Variants in METTL25 observed in about 807,000 individuals in gnomAD.
METTL25 encodes the protein methyltransferase like 25, also known as probable methyltransferase-like protein 25.
Under a neutral mutation model 71.6 loss-of-function variants are expected in METTL25, and 64 were observed. The observed-to-expected ratio is 0.89, with a 90% CI of 0.73 to 1.10. METTL25 has a LOEUF of 1.10. Among genes scored for constraint, METTL25 ranks in the 50% least tolerant of loss-of-function variants. The pLI, the probability that METTL25 is intolerant of heterozygous loss-of-function variation, is 0.00. For missense variants in METTL25, 807 were observed against 707.0 expected (o/e 1.14, Z -1.60); for synonymous variants, 287 against 250.3 (o/e 1.15, Z -1.38).
At position 82,403,112 on chromosome 12, in the gene METTL25, T is replaced by C. The variant is rs1886784251; in HGVS notation, c.1261T>C (p.Phe421Leu). 2 of 1,612,196 alleles carry C rather than the reference T, an allele frequency of 1.2e-6. No homozygotes were observed. The highest frequency in any genetic ancestry group is 2.7e-5 in the African/African-American group (2 of 74,934). The change falls in exon 5 of 12, where the codon TTT (phenylalanine) becomes CTT (leucine). Residue 421 changes from phenylalanine to leucine, a missense_variant. Physicochemically the swap from Phe to Leu is conservative, Grantham distance 22. Coordinates refer to ENST00000248306, the MANE Select transcript of METTL25 (RefSeq NM_032230.3). ...TTGCTACCACCTCTTATCTGAAGAA[T>C]TTGAAAACCAGCATAAAGGTACAAG... ...GCCYHLLSEE[F>L]ENQHKERTQE...
In METTL25 at chr12:82,405,197, C is replaced by G. The variant is rs75142577; in HGVS notation, c.1279+2067C>G. ...CAGTATTTTCCCACCAAAGATGAAC[C>G]CTATCCTTTTTGGCAATGTAGTCTA... On this transcript the variant is annotated intron_variant, in intron 5 of 11. Coordinates refer to ENST00000248306, the MANE Select transcript of METTL25 (RefSeq NM_032230.3). 8.5e-3 allele frequency among the ~76,000 whole-genome samples: 1,286 copies of G among 152,164 alleles called. 48 individuals carry two copies. Among genetic ancestry groups the G allele is most frequent in the Admixed American group, 0.052 (794 of 15,276 alleles).
In METTL25 at chr12:82,437,806, G is replaced by A. The variant is rs750927645; in HGVS notation, c.1405-912G>A. Among the ~76,000 whole-genome samples, 60 of 151,554 alleles carry A rather than the reference G, an allele frequency of 4.0e-4. 1 individual carries two copies. The highest frequency in any genetic ancestry group is 2.2e-3 in the Admixed American group (33 of 15,150). ...TTATTTGACTTCTTAAAAGCATTCC[G>A]TATTGTTGTCCTCCTTCTATTCTTA... On this transcript the variant is annotated intron_variant, in intron 7 of 11. Transcript: ENST00000248306.
At chr12:82,360,083 A>G (rs546514063) in intron 1 of METTL25, among the ~76,000 whole-genome samples, 2 of 152,340 alleles carry the variant, frequency 1.3e-5, no homozygotes, top group African/African-American at 2.4e-5. Flanking sequence ...CTTGGCATAC[A>G]TTAGATACTG....
In METTL25 at chr12:82,443,426, A is replaced by G. The variant is rs146567828; in HGVS notation, c.1478+4635A>G. Among the ~76,000 whole-genome samples, 423 of 150,084 alleles carry G rather than the reference A, an allele frequency of 2.8e-3. 4 individuals are homozygous for G. Among genetic ancestry groups the G allele is most frequent in the African/African-American group, 9.7e-3 (396 of 40,806 alleles). ...GCTGAAAGAAAGTAGCCTACAGCCTACACAGCCTATCTGAAAATACATTGT... is the reference window on the plus strand; with the variant it reads ...GCTGAAAGAAAGTAGCCTACAGCCTGCACAGCCTATCTGAAAATACATTGT... On this transcript the variant is annotated intron_variant, in intron 8 of 11. Transcript: ENST00000248306.
chr12:82,459,716 G>GA (rs765087236), intron 9 of METTL25, among the ~76,000 whole-genome samples: 19 of 152,114 alleles, frequency 1.2e-4, no homozygotes, highest in Non-Finnish European at 1.0e-4. Flanking sequence ...CACAGATGAG[G>GA]AAAGAATCTG....
chr12:82,446,444 A>G (rs1186943025), intron 8 of METTL25, among the ~76,000 whole-genome samples: 1 of 152,054 alleles, frequency 6.6e-6, no homozygotes, highest in Non-Finnish European at 1.5e-5. Context: ...AACCAATTCA[A>G]AAAAGTAGAA....
At chr12:82,362,881 C>T (rs1224496924) in intron 1 of METTL25, among the ~76,000 whole-genome samples, 1 of 152,192 alleles carries the variant, frequency 6.6e-6, no homozygotes, top group East Asian at 1.9e-4. Context: ...TTATTAAAAA[C>T]AACTGTAAGA....
intron 3 of METTL25, among the ~76,000 whole-genome samples, 186 bp from the exon 4 acceptor site, chr12:82,398,609 A>G (rs1243075241): frequency 2.4e-4 from 36 of 152,000 alleles, no homozygotes; most frequent in Admixed American, 2.2e-3. Flanking sequence ...TGACTTATTA[A>G]ACTAGCTAGA....
intron 8 of METTL25, among the ~76,000 whole-genome samples, chr12:82,455,598 T>C (rs1891433800): frequency 6.6e-6 from 1 of 151,758 alleles, no homozygotes; most frequent in Admixed American, 6.6e-5. Context: ...TAGAAGAGAG[T>C]GGGGAACTGT....
At chr12:82,477,681 G>T (rs1403039090) in intron 11 of METTL25, among the ~76,000 whole-genome samples, 1 of 151,744 alleles carries the variant, frequency 6.6e-6, no homozygotes, top group Non-Finnish European at 1.5e-5. Flanking sequence ...TATTGTATAA[G>T]CGTTTCATTT....
intron 11 of METTL25, among the ~76,000 whole-genome samples, 189 bp from the exon 12 acceptor site, chr12:82,478,743 T>C (rs928723720): frequency 1.3e-5 from 2 of 152,002 alleles, no homozygotes. Context: ...TGTACATCCT[T>C]GTTTCCTCAG....
At chr12:82,381,583 A>G (rs1884448620) in intron 1 of METTL25, among the ~76,000 whole-genome samples, 1 of 152,224 alleles carries the variant, frequency 6.6e-6, no homozygotes, top group African/African-American at 2.4e-5. Flanking sequence ...GCGATAGTAT[A>G]TATTCTATTT....
chr12:82,459,074 A>G (rs1037507635), intron 9 of METTL25, among the ~76,000 whole-genome samples: 2 of 152,186 alleles, frequency 1.3e-5, no homozygotes, highest in African/African-American at 2.4e-5. Context: ...CCAGTATTCT[A>G]TTATCTCGCT....
At chr12:82,359,997 A>C (rs867722904) in intron 1 of METTL25, among the ~76,000 whole-genome samples, 1 of 152,204 alleles carries the variant, frequency 6.6e-6, no homozygotes, top group Admixed American at 6.5e-5. Context: ...TGATATGACA[A>C]TTTTACTTAA....
chr12:82,478,826 A>G (rs925142135), intron 11 of METTL25, 106 bp from the exon 12 acceptor site: 1 of 841,108 alleles, frequency 1.2e-6, no homozygotes, highest in Non-Finnish European at 1.8e-6. Flanking sequence ...TCTGTGAAAC[A>G]GCTTTGTTTT....
At chr12:82,477,468 A>G (rs572791402) in intron 11 of METTL25, 116 bp downstream of exon 11, 5 of 479,274 alleles carry the variant, frequency 1.0e-5, no homozygotes, top group African/African-American at 1.0e-4. Flanking sequence ...AATTTTTCTC[A>G]TTATATTTTC....
At chr12:82,393,890 A>G (rs7955076) in intron 3 of METTL25, among the ~76,000 whole-genome samples, 19 of 151,720 alleles carry the variant, frequency 1.3e-4, no homozygotes, top group Admixed American at 8.6e-4. Context: ...ATTGCTGTCA[A>G]CTTCTTAGTA....
chr12:82,389,724 C>T, intron 2 of METTL25, 92 bp from the exon 3 acceptor site: 3 of 711,282 alleles, frequency 4.2e-6, no homozygotes, highest in Admixed American at 2.2e-5. Flanking sequence ...GTATTATTTT[C>T]CTACTTAATT....
At chr12:82,419,528 A>G (rs1888282824) in intron 5 of METTL25, among the ~76,000 whole-genome samples, 1 of 152,080 alleles carries the variant, frequency 6.6e-6, no homozygotes, top group South Asian at 2.1e-4. Flanking sequence ...ATACTGGACA[A>G]TGTGCCTGGC....
Sources: gnomAD v4.1 joint callset for allele counts (sites outside exome capture counted in the v4.1 genomes callset) on GRCh38, gnomAD v4.1.1 for gene constraint, MANE v1.5 for transcripts, NCBI Gene and HGNC (gene_info 2026-07-23, HGNC 2026-07-21) for gene names.